The following KCTD1 variants were observed in gnomAD, a reference collection of about 807,000 sequenced individuals.
KCTD1 encodes potassium channel tetramerization domain containing 1.
In KCTD1, 24 loss-of-function variants were observed where a neutral mutation model predicts 66.0. The ratio of observed to expected loss-of-function variants is 0.36; its 90% CI spans 0.26 to 0.51. KCTD1 has a LOEUF of 0.51. Ranked by LOEUF, KCTD1 falls within the 20% of genes least tolerant of loss-of-function variation. KCTD1 has a pLI of 0.95. For missense variants in KCTD1, 943 were observed against 1,205.2 expected, an observed-to-expected ratio of 0.78 and a Z score of 3.22; for synonymous variants, 511 against 517.2, an observed-to-expected ratio of 0.99 and a Z score of 0.16.
chr18:26,585,225 C>A (rs1287565921), intron 1 of KCTD1, among the ~76,000 whole-genome samples: 1 of 152,144 alleles, frequency 6.6e-6, no homozygotes, highest in Non-Finnish European at 1.5e-5. Context: ...ACATTTTGGC[C>A]ACCGGCATAC....
chr18:26,511,182 T>C (rs943390672), intron 1 of KCTD1, among the ~76,000 whole-genome samples: 1 of 152,156 alleles, frequency 6.6e-6, no homozygotes. Context: ...AATAAAGAAA[T>C]ACAAGAATGG....
At chr18:26,605,847 C>T (rs1364495620) in intron 1 of KCTD1, among the ~76,000 whole-genome samples, 1 of 151,948 alleles carries the variant, frequency 6.6e-6, no homozygotes, top group Non-Finnish European at 1.5e-5. Flanking sequence ...CTTTTGTGAA[C>T]CCAAAAGTAT....
At chr18:26,651,650 G>A (rs1473131226) in intron 1 of KCTD1, among the ~76,000 whole-genome samples, 3 of 151,952 alleles carry the variant, frequency 2.0e-5, no homozygotes, top group African/African-American at 7.3e-5. Context: ...CGATCATGGT[G>A]GCGGGCACCT....
intron 1 of KCTD1, among the ~76,000 whole-genome samples, chr18:26,575,965 A>T (rs142642335): frequency 1.2e-4 from 18 of 152,338 alleles, no homozygotes; most frequent in Non-Finnish European, 2.5e-4. Context: ...ATGCTTACAC[A>T]TTCCAGACAC....
chr18:26,541,376 C>G (rs747679294), intron 1 of KCTD1, among the ~76,000 whole-genome samples: 16 of 152,178 alleles, frequency 1.1e-4, no homozygotes, highest in Admixed American at 6.5e-5. Context: ...AAAGAAAACG[C>G]AGACACTTTT....
At chr18:26,533,065 A>C (rs1024194926) in intron 1 of KCTD1, among the ~76,000 whole-genome samples, 16 of 152,186 alleles carry the variant, frequency 1.1e-4, no homozygotes, top group Non-Finnish European at 2.2e-4. Flanking sequence ...TCTGTAGCCT[A>C]TGAGATTGCT....
At chr18:26,499,227 C>T (rs1256721852) in intron 2 of KCTD1, among the ~76,000 whole-genome samples, 1 of 152,114 alleles carries the variant, frequency 6.6e-6, no homozygotes, top group African/African-American at 2.4e-5. Context: ...GACTTAAACC[C>T]TAGAATTAAA....
At chr18:26,647,519 CAAAAAAAAAAAAAAAAAAAA>C (rs57856118) in intron 1 of KCTD1, among the ~76,000 whole-genome samples, 9 of 57,306 alleles carry the variant, frequency 1.6e-4, no homozygotes, top group Admixed American at 6.0e-4. Flanking sequence ...GACTCCATCT[CAAAAAAAAAAAAAAAAAAAA>C]AAAAAAAAAA....
Position 26,627,055 on chromosome 18 carries a change from C to T in KCTD1, c.-16+2092G>A, listed in dbSNP as rs1346772398. Among the ~76,000 whole-genome samples the T allele has an allele frequency of 2.6e-5, 4 of 152,194 alleles. 1 individual carries two copies. The highest frequency in any genetic ancestry group is 1.3e-4 in the Admixed American group (2 of 15,284). ...ATTTCAAGGCCTAACTTATGCCCCA[C>T]CTCCTTCTTGAACTCTCCCTGACTG... is the stretch of plus-strand genomic sequence containing the variant. On this transcript the variant is annotated intron_variant, in intron 1 of 4. Transcript: ENST00000317932.
intron 1 of KCTD1, among the ~76,000 whole-genome samples, chr18:26,541,493 C>T (rs1282820165): frequency 6.6e-6 from 1 of 152,082 alleles, no homozygotes; most frequent in African/African-American, 2.4e-5. Flanking sequence ...ATAAAAAAAC[C>T]CTGTCTGTCA....
At chr18:26,554,958 T>C (rs1464022597) in intron 1 of KCTD1, among the ~76,000 whole-genome samples, 2 of 152,326 alleles carry the variant, frequency 1.3e-5, no homozygotes, top group Middle Eastern at 3.4e-3. Context: ...TGATAGTCAT[T>C]TCTTTCTCTA....
rs1567982862 is a variant in KCTD1 at position 26,532,257 on chromosome 18, CCTTCTTTTTTTTTT to C, written c.1809+14457_1809+14470del. Among the ~76,000 whole-genome samples the C allele has an allele frequency of 6.7e-4, 86 of 128,166 alleles. 6 individuals carry two copies. Among genetic ancestry groups the C allele is most frequent in the Non-Finnish European group, 6.6e-4 (41 of 62,050 alleles). The allele number at this position is 128,166 out of a possible 152,430, so 84.1% of individuals were successfully genotyped here. On this transcript the variant is annotated intron_variant, in intron 1 of 4. Coordinates refer to ENST00000580059, the MANE Select transcript of KCTD1 (RefSeq NM_001142730.3). ...TATTCTTTTTCTTTTTCTTTTCTTT[CCTTCTTTTTTTTTT>C]TTTTTTTTTTTTTTTTGAGACAGGG...
At chr18:26,612,553 C>CA (rs1255627424) in intron 1 of KCTD1, among the ~76,000 whole-genome samples, 1 of 152,174 alleles carries the variant, frequency 6.6e-6, no homozygotes, top group African/African-American at 2.4e-5. Context: ...TGGTCATCTA[C>CA]AAGCCAAGGA....
chr18:26,552,645 A>G (rs777581447), upstream of KCTD1, among the ~76,000 whole-genome samples: 2 of 152,248 alleles, frequency 1.3e-5, no homozygotes, highest in South Asian at 4.1e-4. Context: ...CTAGTGGAAC[A>G]TGCTTTAGAA....
At chr18:26,595,792 C>T (rs1446460968) in intron 1 of KCTD1, among the ~76,000 whole-genome samples, 1 of 152,212 alleles carries the variant, frequency 6.6e-6, no homozygotes, top group Non-Finnish European at 1.5e-5. Flanking sequence ...GTAATCCCAG[C>T]ACTTTGGGAG....
chr18:26,523,560 AG>A (rs1984017723), intron 1 of KCTD1, among the ~76,000 whole-genome samples: 2 of 152,236 alleles, frequency 1.3e-5, no homozygotes, highest in South Asian at 4.1e-4. Context: ...CTGAGGCAGA[AG>A]GATCACTTGA....
At chr18:26,654,260 C>T (rs1005929783) in intron 1 of KCTD1, among the ~76,000 whole-genome samples, 1 of 151,966 alleles carries the variant, frequency 6.6e-6, no homozygotes, top group Non-Finnish European at 1.5e-5. Flanking sequence ...TAATTTGATG[C>T]CAAAAGGTCC....
chr18:26,585,537 T>A (rs986283126), intron 1 of KCTD1, among the ~76,000 whole-genome samples: 1 of 152,126 alleles, frequency 6.6e-6, no homozygotes, highest in Non-Finnish European at 1.5e-5. Flanking sequence ...TTTGACAGAG[T>A]CTGGTAAATG....
At chr18:26,600,229 A>G (rs1986857915) in intron 1 of KCTD1, 2 of 1,604,856 alleles carry the variant, frequency 1.2e-6, no homozygotes, top group African/African-American at 1.3e-5. Flanking sequence ...GGCTTGTGGA[A>G]ACTGCTACCT....
Sources: gnomAD v4.1 joint callset for allele counts (sites outside exome capture counted in the v4.1 genomes callset) on GRCh38, gnomAD v4.1.1 for gene constraint, MANE v1.5 for transcripts, NCBI Gene and HGNC (gene_info 2026-07-23, HGNC 2026-07-21) for gene names.